TCF12: variants seen among roughly 807,000 people sequenced by gnomAD.
TCF12 encodes the protein transcription factor 12.
In TCF12, 45 loss-of-function variants were observed where a neutral mutation model predicts 86.0. The observed-to-expected ratio is 0.52, with a 90% confidence interval of 0.41 to 0.67. TCF12 has a LOEUF of 0.67. Ranked by LOEUF, TCF12 falls within the 30% of genes least tolerant of loss-of-function variation. TCF12 has a pLI of 0.00. For missense variants in TCF12, 881 were observed against 859.9 expected (o/e 1.02, Z -0.31); for synonymous variants, 330 against 299.6 (o/e 1.10, Z -1.05).
chr15:56,921,818 C>G (rs1216217427), intron 3 of TCF12, among the ~76,000 whole-genome samples: 1 of 151,884 alleles, frequency 6.6e-6, no homozygotes, highest in Admixed American at 6.6e-5. Context: ...AATAAAACAT[C>G]AGAAAATAAG....
intron 3 of TCF12, among the ~76,000 whole-genome samples, chr15:57,054,075 G>A (rs2067820373): frequency 6.6e-6 from 1 of 152,164 alleles, no homozygotes; most frequent in African/African-American, 2.4e-5. Flanking sequence ...TTTGTACTAT[G>A]AGGGAGATTT....
intron 18 of TCF12, among the ~76,000 whole-genome samples, chr15:57,266,366 C>T (rs1179060778): frequency 6.6e-6 from 1 of 152,174 alleles, no homozygotes; most frequent in Non-Finnish European, 1.5e-5. Context: ...GCGTGAGCCA[C>T]TGCGCCTGGC....
chr15:56,947,842 A>G (rs1567147562), intron 3 of TCF12, among the ~76,000 whole-genome samples: 1 of 152,192 alleles, frequency 6.6e-6, no homozygotes, highest in Non-Finnish European at 1.5e-5. Context: ...TTACAATGCA[A>G]TGTAAGTGAT....
At chr15:57,116,125 A>G (rs1270684679) in intron 5 of TCF12, among the ~76,000 whole-genome samples, 1 of 152,132 alleles carries the variant, frequency 6.6e-6, no homozygotes, top group Non-Finnish European at 1.5e-5. Flanking sequence ...TGACAAGATT[A>G]AGTATCTTTT....
At chr15:57,220,967 A>G (rs756145272) in intron 8 of TCF12, among the ~76,000 whole-genome samples, 11 of 152,204 alleles carry the variant, frequency 7.2e-5, no homozygotes, top group Non-Finnish European at 1.5e-4. Flanking sequence ...TTTTACTAAA[A>G]TGGGCTTAAA....
At chr15:57,268,228 G>C (rs1229729164) in intron 18 of TCF12, among the ~76,000 whole-genome samples, 1 of 152,184 alleles carries the variant, frequency 6.6e-6, no homozygotes. Context: ...CTGGTAGTGA[G>C]ACCTGGAAAG....
intron 5 of TCF12, among the ~76,000 whole-genome samples, chr15:57,141,829 G>A (rs2052988751): frequency 6.6e-6 from 1 of 152,212 alleles, no homozygotes; most frequent in Non-Finnish European, 1.5e-5. Context: ...GCGGGACACA[G>A]GGGCAGTTGC....
chr15:56,936,678 A>T (rs951198826), intron 3 of TCF12, among the ~76,000 whole-genome samples: 2 of 151,902 alleles, frequency 1.3e-5, no homozygotes, highest in African/African-American at 4.8e-5. Flanking sequence ...TGAGGATCCA[A>T]TTTCGTTCTC....
intron 3 of TCF12, among the ~76,000 whole-genome samples, chr15:56,979,775 G>A (rs2062796420): frequency 6.6e-6 from 1 of 152,154 alleles, no homozygotes; most frequent in African/African-American, 2.4e-5. Flanking sequence ...GTTCTTAGCA[G>A]TATTATTCCT....
chr15:57,116,610 G>A (rs1383508441), intron 5 of TCF12, among the ~76,000 whole-genome samples: 2 of 152,082 alleles, frequency 1.3e-5, no homozygotes, highest in Non-Finnish European at 2.9e-5. Context: ...GCCTCCCAAA[G>A]TGCTGGGATT....
At chr15:56,944,988 A>G (rs1297385193) in intron 3 of TCF12, among the ~76,000 whole-genome samples, 5 of 152,118 alleles carry the variant, frequency 3.3e-5, no homozygotes, top group African/African-American at 4.8e-5. Flanking sequence ...TCTCTTATCT[A>G]TTTAGGTCTT....
chr15:57,275,258 C>A (rs1368516342), intron 19 of TCF12, among the ~76,000 whole-genome samples: 1 of 138,206 alleles, frequency 7.2e-6, no homozygotes, highest in Non-Finnish European at 1.6e-5. Context: ...TTCTCCCCGG[C>A]CTTCAGACTG....
Position 57,274,695 on chromosome 15 carries a change from A to G in TCF12, c.1978+1433A>G, listed in dbSNP as rs117827887. Among the ~76,000 whole-genome samples, 412 of 152,180 alleles carry G rather than the reference A, an allele frequency of 2.7e-3. 11 individuals carry two copies. The highest frequency in any genetic ancestry group is 0.024 in the Admixed American group (363 of 15,294). On this transcript the variant is annotated intron_variant, in intron 19 of 20. Transcript: ENST00000333725. ...TCATCCTCCTCTTCTTCAGCCCAGG[A>G]TATCTTCTATCCTGACTTCACCCAG... is the stretch of plus-strand genomic sequence containing the variant.
chr15:57,246,684 A>G (rs2059877889), intron 13 of TCF12, among the ~76,000 whole-genome samples: 1 of 152,218 alleles, frequency 6.6e-6, no homozygotes, highest in Non-Finnish European at 1.5e-5. Context: ...AAGCTACAAC[A>G]GATGAAAGAC....
intron 13 of TCF12, chr15:57,247,424 GAC>G: frequency 1.4e-6 from 1 of 695,092 alleles, no homozygotes; most frequent in Admixed American, 1.8e-5. Flanking sequence ...TCATCCAGCA[GAC>G]TACATCTCTT....
chr15:57,223,654 T>TTTTTTTTTTTTTTTG (rs2058723243), intron 8 of TCF12, among the ~76,000 whole-genome samples: 1 of 129,962 alleles, frequency 7.7e-6, no homozygotes, highest in Non-Finnish European at 1.7e-5. Context: ...TTTTTTTTTT[T>TTTTTTTTTTTTTTTG]TTTTTTTTTT....
intron 3 of TCF12, among the ~76,000 whole-genome samples, chr15:56,943,935 T>TA (rs1473567877): frequency 6.6e-6 from 1 of 152,146 alleles, no homozygotes; most frequent in Non-Finnish European, 1.5e-5. Context: ...CTAGGAATCG[T>TA]AATTTTTAAC....
At chr15:56,964,414 C>T (rs1344841682) in intron 3 of TCF12, among the ~76,000 whole-genome samples, 1 of 152,192 alleles carries the variant, frequency 6.6e-6, no homozygotes, top group Non-Finnish European at 1.5e-5. Context: ...CCAACTTTCT[C>T]TCTCTCTTTT....
At chr15:57,082,352 A>G (rs549980423) in intron 4 of TCF12, among the ~76,000 whole-genome samples, 115 of 152,312 alleles carry the variant, frequency 7.6e-4, no homozygotes, top group Non-Finnish European at 1.4e-3. Flanking sequence ...GTGACAAACT[A>G]AAAATATATG....
Sources: allele counts gnomAD v4.1 joint callset (sites outside exome capture counted in the v4.1 genomes callset), GRCh38; gene constraint gnomAD v4.1.1; transcripts MANE v1.5; gene names NCBI Gene and HGNC (gene_info 2026-07-23, HGNC 2026-07-21).